ADAMTS8: variants seen among roughly 807,000 people sequenced by gnomAD.
ADAMTS8 encodes A disintegrin and metalloproteinase with thrombospondin motifs 8.
ADAMTS8 carries 50 observed loss-of-function variants against 64.4 expected under a neutral mutation model. That is an observed-to-expected ratio of 0.78 (90% CI 0.62 to 0.98). The LOEUF is 0.98. ADAMTS8 is among the 50% of genes least tolerant of loss of function. The probability of loss-of-function intolerance (pLI) is 0.00; values close to 1 mark genes in which losing one functional copy is unlikely to be tolerated. For missense variants in ADAMTS8, 1,192 were observed against 1,208.2 expected (o/e 0.99, Z 0.20); for synonymous variants, 556 against 533.6 (o/e 1.04, Z -0.58).
Position 130,415,326 on chromosome 11 carries a change from T to C in ADAMTS8, c.1265-494A>G, listed in dbSNP as rs375994566. Among the ~76,000 whole-genome samples, 9 of 152,302 alleles carry C rather than the reference T, an allele frequency of 5.9e-5. No individual in the cohort carries two copies. The East Asian group carries it at 1.3e-3, about 23-fold the overall frequency. On this transcript the variant is annotated intron_variant, in intron 4 of 8. Transcript: ENST00000257359. ...CTGAGAAGCAATTTTTTTTTTGAGA[T>C]GAAGTCTAGCTCTGTTGCCCAGGCT...
chr11:130,424,642 T>C (rs1592135334), intron 1 of ADAMTS8, among the ~76,000 whole-genome samples: 1 of 151,872 alleles, frequency 6.6e-6, no homozygotes, highest in Admixed American at 6.6e-5. Context: ...TTGCAGGAGG[T>C]GGGTGTGGGC....
intron 1 of ADAMTS8, among the ~76,000 whole-genome samples, chr11:130,425,715 C>T (rs1455456227): frequency 1.3e-5 from 2 of 152,008 alleles, no homozygotes; most frequent in African/African-American, 2.4e-5. Context: ...ATTCTCCTGC[C>T]TCAGCCTCCC....
rs1370940520 is a variant in ADAMTS8 at position 130,405,716 on chromosome 11, G to A, written c.2512C>T (p.Leu838=). Residue 838 remains leucine (L), a synonymous_variant, in exon 9 of 9, where the codon CTG becomes TTG. Transcript: ENST00000257359. ...CTAGAGCACTCAGACCAGTCCCCCA[G>A]CACCCACTGTGCGTGGAGCAGCGGC... ...IQPLLHAQWV[L]GDWSECSSTC... 2.5e-6 allele frequency: 4 copies of A among 1,614,046 alleles called. No individual in the cohort carries two copies. Among genetic ancestry groups the A allele is most frequent in the Non-Finnish European group, 2.5e-6 (3 of 1,180,008 alleles).
In ADAMTS8 at chr11:130,428,232, GCA is replaced by G; in HGVS notation, c.53_54del (p.Leu18ProfsTer181). On this transcript the variant is annotated frameshift_variant, in exon 1 of 9. Transcript: ENST00000257359. LOFTEE classifies it high-confidence loss of function. ...GCGCCGCGGGCCAGCGGCAGCAGCA[GCA>G]GCAGCAGCAGCAGGAGCGGAGGCCA... ...PRWPPLLLLLLLLLPLARGAP... is the reference protein window; with the variant it reads ...PRWPPLLLLLXLLLPLARGAP... The G allele has an allele frequency of 8.2e-7, 1 of 1,226,626 alleles. No homozygotes were observed. Among genetic ancestry groups the G allele is most frequent in the Non-Finnish European group, 1.0e-6 (1 of 989,314 alleles). 76.0% of individuals were successfully genotyped at this position (1,226,626 alleles called of 1,614,324 possible).
chr11:130,414,122 C>CTTTT (rs143297278), intron 5 of ADAMTS8, among the ~76,000 whole-genome samples: 4 of 129,776 alleles, frequency 3.1e-5, no homozygotes, highest in Non-Finnish European at 6.6e-5. Flanking sequence ...AGTTTCTTTT[C>CTTTT]TTTTTTTTTT....
In ADAMTS8 at chr11:130,427,744, G is replaced by A; in HGVS notation, c.543C>T (p.Asp181=). ...TCTCCTCCTCGCTGTCCTCCTGGTGGTCTCCTCTCTCCTGCCTCTGACCCT... is the reference window on the plus strand; with the variant it reads ...TCTCCTCCTCGCTGTCCTCCTGGTGATCTCCTCTCTCCTGCCTCTGACCCT... ...TGEGQRQERG[D]HQEDSEEESQ... Residue 181 remains aspartate (D), a synonymous_variant, in exon 1 of 9, where the codon GAC becomes GAT. Coordinates refer to ENST00000257359, the MANE Select transcript of ADAMTS8 (RefSeq NM_007037.6). The A allele has an allele frequency of 6.3e-7, 1 of 1,596,254 alleles. No homozygotes were observed. The highest frequency in any genetic ancestry group is 1.1e-5 in the South Asian group (1 of 88,012).
intron 1 of ADAMTS8, 22 bp from the exon 2 acceptor site, chr11:130,419,314 G>A (rs1174086001): frequency 6.2e-7 from 1 of 1,613,496 alleles, no homozygotes; most frequent in Non-Finnish European, 8.5e-7. Context: ...GAGGAGACAA[G>A]AGGCGGAGTG....
intron 2 of ADAMTS8, among the ~76,000 whole-genome samples, chr11:130,417,757 A>G (rs1269998731): frequency 6.6e-6 from 1 of 152,256 alleles, no homozygotes; most frequent in East Asian, 1.9e-4. Context: ...ACGCAACAGC[A>G]GTTTCAACGT....
Position 130,416,247 on chromosome 11 carries a change from G to A in ADAMTS8, c.1180C>T (p.Pro394Ser), listed in dbSNP as rs770493931. ...GPMGKHHVMA[P>S]LFVHLNQTLP... Reference sequence around the variant, plus strand: ...GTCTGGTTCAGGTGGACGAACAGCGGTGCCATCACGTGGTGCTTGCCCATG... The same window carrying A: ...GTCTGGTTCAGGTGGACGAACAGCGATGCCATCACGTGGTGCTTGCCCATG... Residue 394 changes from proline (P) to serine (S), a missense_variant, in exon 4 of 9, where the codon CCG (proline) becomes TCG (serine). Physicochemically the swap from Pro to Ser is moderately conservative, Grantham distance 74. This residue lies in a region of ADAMTS8 where 741 missense variants were observed against 710.6 expected (regional missense o/e 1.04). Transcript: ENST00000257359. This position sits in a 1 kb window ranked among gnomAD's most constrained non-coding sequence, Gnocchi z 4.8. 8 of 1,586,040 alleles carry A rather than the reference G, an allele frequency of 5.0e-6. No homozygotes were observed. In the Admixed American group the frequency reaches 1.3e-4, roughly 25 times the overall value.
In ADAMTS8 at chr11:130,405,659, C is replaced by T. The variant is rs749046687; in HGVS notation, c.2569G>A (p.Val857Ile). The change falls in exon 9 of 9, where the codon GTA (valine) becomes ATA (isoleucine). Residue 857 changes from valine (V) to isoleucine (I), a missense_variant. By Grantham distance (29) the Val-to-Ile change is conservative. Transcript: ENST00000257359. ...TCGAGWQRRTVECRDPSGQAS... is the reference protein window; with the variant it reads ...TCGAGWQRRTIECRDPSGQAS... ...TGGCCGGAGGGGTCCCTGCACTCTA[C>T]AGTTCGCCTCTGCCAGCCGGCCCCG... 1 of 1,614,082 alleles carries T rather than the reference C, an allele frequency of 6.2e-7. No individual in the cohort carries two copies. Among genetic ancestry groups the T allele is most frequent in the Non-Finnish European group, 8.5e-7 (1 of 1,179,986 alleles).
In ADAMTS8 at chr11:130,414,651, A is replaced by T; in HGVS notation, c.1446T>A (p.Ala482=). The T allele has an allele frequency of 1.9e-6, 3 of 1,613,782 alleles. No homozygotes were observed. ...CAQLWCHTDG[A]EPLCHTKNGS... ...CATTCTTCGTGTGGCACAGGGGCTCAGCCCCATCAGTGTGGCACCAAAGCT... is the reference window on the plus strand; with the variant it reads ...CATTCTTCGTGTGGCACAGGGGCTCTGCCCCATCAGTGTGGCACCAAAGCT... Residue 482 remains alanine (A), a synonymous_variant, in exon 5 of 9, where the codon GCT becomes GCA. Coordinates refer to ENST00000257359, the MANE Select transcript of ADAMTS8 (RefSeq NM_007037.6).
At chr11:130,419,632 C>G (rs987693116) in intron 1 of ADAMTS8, among the ~76,000 whole-genome samples, 3 of 152,242 alleles carry the variant, frequency 2.0e-5, no homozygotes, top group Admixed American at 2.0e-4. Flanking sequence ...TATAGCGTGG[C>G]ACAGGCCACA....
rs1365268437 is a variant in ADAMTS8, at chr11:130,428,440, GA to G, written c.-155del. 9.5e-7 allele frequency: 1 copy of G among 1,054,438 alleles called. No homozygotes were observed. The highest frequency in any genetic ancestry group is 1.7e-5 in the African/African-American group (1 of 58,480). The allele number at this position is 1,054,438 out of a possible 1,614,324, so 65.3% of individuals were successfully genotyped here. ...CTCGGCCCGCGGGGCCCGGCGGCGG[GA>G]GCGCTCCCCCGGCGGCCCCTCTGGC... On this transcript the variant is annotated 5_prime_UTR_variant, in exon 1 of 9. Coordinates refer to ENST00000257359, the MANE Select transcript of ADAMTS8 (RefSeq NM_007037.6).
Position 130,405,369 on chromosome 11 carries a change from C to T in ADAMTS8, c.*189G>A, listed in dbSNP as rs1861862808. The T allele has an allele frequency of 5.0e-6, 7 of 1,401,918 alleles. No homozygotes were observed. The African/African-American group carries it at 5.8e-5, about 12-fold the overall frequency. The allele number at this position is 1,401,918 out of a possible 1,614,324, so 86.8% of individuals were successfully genotyped here. A position where few individuals can be genotyped will look rare whatever the true frequency, so the allele number is the denominator to read the frequency against. On this transcript the variant is annotated 3_prime_UTR_variant, in exon 9 of 9. Transcript: ENST00000257359. ...ACTGGACAGTTGATGATAGGGTCTG[C>T]CGCCCCATACCCTCTCCTCTTCCCC...
At chr11:130,412,658 A>C (rs1468930237) in intron 5 of ADAMTS8, among the ~76,000 whole-genome samples, 1 of 152,220 alleles carries the variant, frequency 6.6e-6, no homozygotes, top group African/African-American at 2.4e-5. Flanking sequence ...CAAATAAAAA[A>C]ATGCAGAAAA....
intron 1 of ADAMTS8, 106 bp from the exon 2 acceptor site, chr11:130,419,398 A>C (rs1435132294): frequency 1.3e-6 from 2 of 1,493,302 alleles, no homozygotes; most frequent in East Asian, 4.6e-5. Context: ...TGAGCATCAG[A>C]TTCCTACCAA....
chr11:130,421,580 G>C (rs766638416), intron 1 of ADAMTS8, among the ~76,000 whole-genome samples: 1 of 152,160 alleles, frequency 6.6e-6, no homozygotes, highest in East Asian at 1.9e-4. Context: ...CCCAGATCCC[G>C]ATCCCACTGA....
At chr11:130,422,504 G>C (rs540993613) in intron 1 of ADAMTS8, among the ~76,000 whole-genome samples, 2 of 152,168 alleles carry the variant, frequency 1.3e-5, no homozygotes, top group Admixed American at 6.5e-5. Flanking sequence ...GCGCGCCTGG[G>C]GGGAGGTCAG....
chr11:130,425,752 C>T (rs768090904), intron 1 of ADAMTS8, among the ~76,000 whole-genome samples: 2 of 152,114 alleles, frequency 1.3e-5, no homozygotes, highest in Non-Finnish European at 2.9e-5. Context: ...AGGCGCCCAC[C>T]ACCACGCCTG....
Sources: gnomAD v4.1 joint callset for allele counts (sites outside exome capture counted in the v4.1 genomes callset) on GRCh38, gnomAD v4.1.1 for gene constraint, gnomAD v4.1.1 regional missense constraint, Gnocchi (gnomAD v3.1) non-coding constraint, MANE v1.5 for transcripts, NCBI Gene and HGNC (gene_info 2026-07-23, HGNC 2026-07-21) for gene names.